CDK11A: variants seen among roughly 807,000 people sequenced by gnomAD.
CDK11A encodes cyclin-dependent kinase 11A.
A neutral mutation model predicts 83.6 loss-of-function variants in CDK11A; 55 were observed. The observed-to-expected ratio is 0.66, with a 90% CI of 0.53 to 0.82. CDK11A has a LOEUF of 0.82. Ranked by LOEUF, CDK11A falls within the 40% of genes least tolerant of loss-of-function variation. The probability of loss-of-function intolerance (pLI) is 0.00; values close to 1 mark genes in which losing one functional copy is unlikely to be tolerated. For synonymous variants in CDK11A, 247 were observed against 302.7 expected, an observed-to-expected ratio of 0.82 and a Z score of 1.91; for missense variants, 564 against 810.1, an observed-to-expected ratio of 0.70 and a Z score of 3.69.
intron 14 of CDK11A, 84 bp downstream of exon 14, chr1:1,704,466 C>T (rs371511023): frequency 1.9e-6 from 3 of 1,543,526 alleles, no homozygotes; most frequent in Admixed American, 2.0e-5. Flanking sequence ...TGCAGCTGGC[C>T]CTCCCTGCAG....
rs745697129 is a variant in CDK11A, at chr1:1,719,330, C to A, written c.353G>T (p.Gly118Val). The A allele has an allele frequency of 6.6e-7, 1 of 1,517,106 alleles. No individual in the cohort carries two copies. Among genetic ancestry groups the A allele is most frequent in the Non-Finnish European group, 8.8e-7 (1 of 1,137,248 alleles). The allele number at this position is 1,517,106 out of a possible 1,614,324, so 94.0% of individuals were successfully genotyped here. ...KCRHHSHSAE[G>V]GKHARVKERE... ...AAAGAAAGTAAATGCTTCTGTACCC[C>A]CTTCTGCTGAATGGCTATGATGCCT... Residue 118 changes from glycine to valine, a missense_variant and splice_region_variant, in exon 4 of 20, where the codon GGG becomes GTG. Transcript: ENST00000404249.
intron 3 of CDK11A, among the ~76,000 whole-genome samples, chr1:1,721,307 G>A (rs759921543): frequency 2.0e-5 from 3 of 150,092 alleles, no homozygotes; most frequent in Admixed American, 6.7e-5. Flanking sequence ...ACCCCGTCAC[G>A]TAACCCTAGG....
chr1:1,706,625 C>T (rs1003251104), intron 11 of CDK11A, among the ~76,000 whole-genome samples: 4 of 151,382 alleles, frequency 2.6e-5, no homozygotes, highest in African/African-American at 4.9e-5. Context: ...ACACTGAGGA[C>T]GGGCCCTACC....
At chr1:1,720,463 G>A (rs1222624088) in intron 3 of CDK11A, among the ~76,000 whole-genome samples, 7 of 150,510 alleles carry the variant, frequency 4.7e-5, no homozygotes, top group Non-Finnish European at 1.0e-4. Context: ...GCGCAATCTT[G>A]GCTCACTGCA....
chr1:1,707,454 G>C lies in CDK11A; in HGVS notation c.1200C>G (p.Pro400=). 1 of 1,607,782 alleles carries C rather than the reference G, an allele frequency of 6.2e-7. No homozygotes were observed. The highest frequency in any genetic ancestry group is 8.5e-7 in the Non-Finnish European group (1 of 1,175,938). Residue 400 remains proline, a synonymous_variant, in exon 11 of 20, where the codon CCC becomes CCG. Coordinates refer to ENST00000404249, the MANE Select transcript of CDK11A (RefSeq NM_024011.4). ...DYVPDSPALL[P]IELKQELPKY... is the part of the protein sequence containing the mutation. ...TGGGCAGCTCCTGCTTGAGCTCGAT[G>C]GGCAACAGGGCAGGGGAGTCGGGCA...
intron 2 of CDK11A, among the ~76,000 whole-genome samples, chr1:1,722,120 A>G (rs1225789090): frequency 6.6e-6 from 1 of 151,160 alleles, no homozygotes. Flanking sequence ...AACAAAAAAA[A>G]AGCTAACAAA....
rs1043216021 is a variant in CDK11A, at chr1:1,703,695, A to G, written c.1912-71T>C. The G allele has an allele frequency of 2.0e-6, 3 of 1,537,514 alleles. No individual in the cohort carries two copies. In the African/African-American group the frequency reaches 4.2e-5, roughly 22 times the overall value. On this transcript the variant is annotated intron_variant, in intron 17 of 19. Transcript: ENST00000404249. ...TGTTGGCACCTGTGTCCCGTCAGAG[A>G]AGACAAGCCACCAGGAGGGCTCTCA...
chr1:1,717,117 C>T (rs1489756577), intron 4 of CDK11A, among the ~76,000 whole-genome samples: 7 of 149,832 alleles, frequency 4.7e-5, no homozygotes, highest in African/African-American at 4.9e-5. Flanking sequence ...CTGCAGTAAG[C>T]GTCTAATTAT....
chr1:1,721,056 T>C (rs1408011303), intron 3 of CDK11A, among the ~76,000 whole-genome samples: 3 of 150,794 alleles, frequency 2.0e-5, no homozygotes, highest in Non-Finnish European at 3.0e-5. Context: ...TTTGTATTTT[T>C]AGTAGAGACG....
chr1:1,717,759 C>T lies in CDK11A; in HGVS notation c.356-1281G>A, dbSNP rs75821022. On this transcript the variant is annotated intron_variant, in intron 4 of 19. Transcript: ENST00000404249. ...GCCCCTCTGAACGGTCTGTGACACA[C>T]GCATGCTTTCAGCTAGAGTTTGCTC... 2.0e-5 allele frequency among the ~76,000 whole-genome samples: 3 copies of T among 150,150 alleles called. 1 individual carries two copies. Among genetic ancestry groups the T allele is most frequent in the Non-Finnish European group, 3.0e-5 (2 of 67,460 alleles).
chr1:1,723,488 CAAAAAAA>C lies in CDK11A; in HGVS notation c.-13-664_-13-658del, dbSNP rs768913380. ...ACTGCACTCCAGCAAGACCCCGTCT[CAAAAAAA>C]AAAAAAAAAAAAAAAAAAAAAAAAA... is the stretch of plus-strand genomic sequence containing the variant. On this transcript the variant is annotated intron_variant, in intron 1 of 19. Coordinates refer to ENST00000404249, the MANE Select transcript of CDK11A (RefSeq NM_024011.4). Among the ~76,000 whole-genome samples the C allele has an allele frequency of 9.6e-3, 197 of 20,588 alleles. 4 individuals are homozygous for C. The highest frequency in any genetic ancestry group is 0.018 in the African/African-American group (186 of 10,422). 13.5% of individuals were successfully genotyped at this position (20,588 alleles called of 152,430 possible).
At chr1:1,717,560 A>G (rs1158032894) in intron 4 of CDK11A, among the ~76,000 whole-genome samples, 2 of 151,266 alleles carry the variant, frequency 1.3e-5, no homozygotes, top group African/African-American at 4.9e-5. Context: ...AAAACCCCAG[A>G]GGAAAAATGG....
chr1:1,703,257 G>A lies in CDK11A; in HGVS notation c.2073C>T (p.Tyr691=), dbSNP rs1474701768. Reference sequence around the variant, plus strand: ...CAGCGCTGATCCTCCTCCCGGGGAAGTAGGTCAGGAACCTGGGGGGAGAGG... The same window carrying A: ...CAGCGCTGATCCTCCTCCCGGGGAAATAGGTCAGGAACCTGGGGGGAGAGG... ...GFDLMNKFLT[Y]FPGRRISAED... The change falls in exon 19 of 20, where the codon TAC becomes TAT. Residue 691 remains tyrosine (Y), a synonymous_variant. Transcript: ENST00000404249. 4.6e-5 allele frequency: 22 copies of A among 473,302 alleles called. No individual in the cohort carries two copies. The highest frequency in any genetic ancestry group is 6.9e-5 in the Non-Finnish European group (20 of 290,456). 29.3% of individuals were successfully genotyped at this position (473,302 alleles called of 1,614,324 possible). A position where few individuals can be genotyped will look rare whatever the true frequency, so the allele number is the denominator to read the frequency against.
intron 3 of CDK11A, among the ~76,000 whole-genome samples, chr1:1,720,810 G>C (rs1244562700): frequency 1.3e-5 from 2 of 151,008 alleles, no homozygotes; most frequent in African/African-American, 2.4e-5. Flanking sequence ...TCCTGCCTCA[G>C]CCTCCTGAGT....
chr1:1,715,933 C>T (rs1376560684), intron 5 of CDK11A, among the ~76,000 whole-genome samples: 2 of 150,818 alleles, frequency 1.3e-5, no homozygotes, highest in African/African-American at 4.9e-5. Context: ...TGGGATCTCC[C>T]TTCTCCTTTT....
At chr1:1,704,009 AGG>A (rs1284059751) in intron 16 of CDK11A, 28 bp downstream of exon 16, 1 of 1,602,648 alleles carries the variant, frequency 6.2e-7, no homozygotes, top group African/African-American at 1.3e-5. Flanking sequence ...CATGGGGGAC[AGG>A]GGAGGCACTC....
At chr1:1,704,809 C>G (rs774423965) in intron 13 of CDK11A, 95 bp downstream of exon 13, 1 of 1,600,336 alleles carries the variant, frequency 6.2e-7, no homozygotes, top group South Asian at 1.1e-5. Context: ...CCACTAAGTG[C>G]AGGAGAGTGT....
At chr1:1,706,021 T>C (rs146016794) in intron 11 of CDK11A, among the ~76,000 whole-genome samples, 2,742 of 150,376 alleles carry the variant, frequency 0.018, 109 homozygotes, top group East Asian at 0.09. Context: ...GGCAGGAGGA[T>C]TGCTTGAGCC....
intron 11 of CDK11A, among the ~76,000 whole-genome samples, chr1:1,706,411 T>C (rs1442643580): frequency 6.6e-6 from 1 of 151,374 alleles, no homozygotes; most frequent in African/African-American, 2.4e-5. Flanking sequence ...TAGCCAGGCA[T>C]GGTGGCTTGC....
Sources: gnomAD v4.1 joint callset for allele counts (sites outside exome capture counted in the v4.1 genomes callset) on GRCh38, gnomAD v4.1.1 for gene constraint, MANE v1.5 for transcripts, NCBI Gene and HGNC (gene_info 2026-07-23, HGNC 2026-07-21) for gene names.